IFNGR1: variants seen among roughly 807,000 people sequenced by gnomAD.
The protein encoded by IFNGR1 is interferon gamma receptor 1.
A neutral mutation model predicts 35.4 loss-of-function variants in IFNGR1; 23 were observed. The ratio of observed to expected loss-of-function variants is 0.65; its 90% confidence interval spans 0.47 to 0.92. The LOEUF (loss-of-function observed/expected upper bound fraction) is 0.92. Ranked by LOEUF, IFNGR1 falls within the 40% of genes least tolerant of loss-of-function variation. IFNGR1 has a pLI of 0.00. For missense variants in IFNGR1, 533 were observed against 583.4 expected (o/e 0.91, Z 0.89); for synonymous variants, 199 against 209.5 (o/e 0.95, Z 0.43).
At chr6:137,217,796 C>G (rs1456754249) in intron 1 of IFNGR1, among the ~76,000 whole-genome samples, 3 of 152,124 alleles carry the variant, frequency 2.0e-5, no homozygotes, top group African/African-American at 7.2e-5. Context: ...TTATTTGGTT[C>G]CTACTTCTCC....
At chr6:137,211,197 C>A (rs909814335) in intron 1 of IFNGR1, among the ~76,000 whole-genome samples, 1 of 151,714 alleles carries the variant, frequency 6.6e-6, no homozygotes, top group Non-Finnish European at 1.5e-5. Flanking sequence ...AGACAGCCTC[C>A]ACAACAAAAA....
intron 3 of IFNGR1, among the ~76,000 whole-genome samples, 174 bp downstream of exon 3, chr6:137,205,962 G>A (rs1276128177): frequency 6.6e-6 from 1 of 152,146 alleles, no homozygotes; most frequent in Non-Finnish European, 1.5e-5. Flanking sequence ...TCAGATTTTG[G>A]AGCATTCTGG....
chr6:137,219,371 G>C lies in IFNGR1; in HGVS notation c.-44C>G, dbSNP rs980985021. On this transcript the variant is annotated 5_prime_UTR_variant, in exon 1 of 7. Coordinates refer to ENST00000367739, the MANE Select transcript of IFNGR1 (RefSeq NM_000416.3). ...TGGCTCCAACCCCGAGCGCCTGCGG[G>C]ACCAGCCCAGCACTGCCCTCCAGCC... 21 of 1,572,114 alleles carry C rather than the reference G, an allele frequency of 1.3e-5. No homozygotes were observed. Among genetic ancestry groups the C allele is most frequent in the African/African-American group, 4.0e-5 (3 of 74,278 alleles).
chr6:137,207,155 C>T (rs1004961994), intron 1 of IFNGR1, 78 bp from the exon 2 acceptor site: 2 of 1,561,972 alleles, frequency 1.3e-6, no homozygotes, highest in Non-Finnish European at 1.7e-6. Context: ...TGTAAGATGC[C>T]ACATTGCCCA....
At position 137,219,331 on chromosome 6, in the gene IFNGR1, G is replaced by T; in HGVS notation, c.-4C>A. On this transcript the variant is annotated 5_prime_UTR_variant, in exon 1 of 7. Transcript: ENST00000367739. ...GTAGGAGAAAGAGGAGAGCCATGCT[G>T]CTACCGACGGTCGCTGGCTCCAACC... The T allele has an allele frequency of 6.2e-6, 10 of 1,603,016 alleles. No individual in the cohort carries two copies. Among genetic ancestry groups the T allele is most frequent in the Non-Finnish European group, 8.5e-6 (10 of 1,175,290 alleles).
intron 2 of IFNGR1, 67 bp from the exon 3 acceptor site, chr6:137,206,375 C>T: frequency 8.1e-7 from 1 of 1,239,836 alleles, no homozygotes; most frequent in Non-Finnish European, 1.2e-6. Flanking sequence ...CCATTTCTGT[C>T]TGTGCTTTGC....
At position 137,198,342 on chromosome 6, in the gene IFNGR1, A is replaced by C; in HGVS notation, c.1159T>G (p.Ser387Ala). ...ESSSPLSSNQ[S>A]EPGSIALNSY... ...TTTAAAGCGATGCTGCCAGGTTCAG[A>C]CTGGTTACTACTTAAAGGTGAAGAA... The change falls in exon 7 of 7, where the codon TCT becomes GCT. Residue 387 changes from serine to alanine, a missense_variant. Coordinates refer to ENST00000367739, the MANE Select transcript of IFNGR1 (RefSeq NM_000416.3). The C allele has an allele frequency of 6.2e-7, 1 of 1,614,134 alleles. No individual in the cohort carries two copies. Among genetic ancestry groups the C allele is most frequent in the Non-Finnish European group, 8.5e-7 (1 of 1,180,024 alleles).
At chr6:137,209,540 G>A (rs1779526567) in intron 1 of IFNGR1, among the ~76,000 whole-genome samples, 1 of 152,116 alleles carries the variant, frequency 6.6e-6, no homozygotes, top group South Asian at 2.1e-4. Context: ...GGGTTTATCA[G>A]GGGTTTCTGC....
At chr6:137,211,989 T>G (rs768778344) in intron 1 of IFNGR1, among the ~76,000 whole-genome samples, 5 of 152,172 alleles carry the variant, frequency 3.3e-5, no homozygotes, top group Non-Finnish European at 5.9e-5. Context: ...CTGAGAATTT[T>G]CAAACCAGGT....
intron 1 of IFNGR1, among the ~76,000 whole-genome samples, chr6:137,217,186 C>T (rs569864562): frequency 1.3e-5 from 2 of 152,306 alleles, no homozygotes; most frequent in Admixed American, 6.5e-5. Flanking sequence ...AACTACTTAT[C>T]GACTCCAACT....
rs2114468285 is a variant in IFNGR1 at position 137,202,396 on chromosome 6, GA to G, written c.733+1102del. 2.0e-5 allele frequency among the ~76,000 whole-genome samples: 3 copies of G among 152,228 alleles called. 1 individual carries two copies. The highest frequency in any genetic ancestry group is 7.2e-5 in the African/African-American group (3 of 41,540). On this transcript the variant is annotated intron_variant, in intron 5 of 6. Transcript: ENST00000367739. ...GGTTTTATTTTTCAAATAGCATAAC[GA>G]AAATTAGCATAAAATGCATTGCACT... is the stretch of plus-strand genomic sequence containing the variant.
At chr6:137,218,878 A>G (rs1380897047) in intron 1 of IFNGR1, 1 of 380,284 alleles carries the variant, frequency 2.6e-6, no homozygotes, top group Non-Finnish European at 5.0e-6. Flanking sequence ...TAACCATAAA[A>G]AAAGGTACAG....
At chr6:137,199,535 AATATATATTATATAACAT>A (rs1779217671) in intron 6 of IFNGR1, among the ~76,000 whole-genome samples, 38 of 82,144 alleles carry the variant, frequency 4.6e-4, no homozygotes, top group Non-Finnish European at 6.9e-4. Context: ...TATAATATAT[AATATATATTATATAACAT>A]ATAAAATATA....
intron 6 of IFNGR1, 45 bp downstream of exon 6, chr6:137,200,836 T>C (rs1779260062): frequency 3.5e-5 from 49 of 1,400,178 alleles, no homozygotes; most frequent in Non-Finnish European, 4.8e-5. Context: ...TCAAAAAAGG[T>C]TCAAGTTAAC....
At chr6:137,217,683 T>A (rs1195360965) in intron 1 of IFNGR1, among the ~76,000 whole-genome samples, 1 of 152,226 alleles carries the variant, frequency 6.6e-6, no homozygotes, top group African/African-American at 2.4e-5. Context: ...CTGGCATCTA[T>A]AATTTTCTGT....
intron 1 of IFNGR1, among the ~76,000 whole-genome samples, chr6:137,208,154 G>T (rs1349059975): frequency 6.6e-6 from 1 of 152,172 alleles, no homozygotes; most frequent in Non-Finnish European, 1.5e-5. Context: ...ATGATTTAGG[G>T]TATCTGGTGG....
At chr6:137,209,935 C>A in intron 1 of IFNGR1, 2 of 398,576 alleles carry the variant, frequency 5.0e-6, no homozygotes, top group Non-Finnish European at 4.4e-6. Flanking sequence ...CAAAACATAC[C>A]CAACATTTCT....
chr6:137,207,963 T>C (rs1779481846), intron 1 of IFNGR1, among the ~76,000 whole-genome samples: 1 of 152,206 alleles, frequency 6.6e-6, no homozygotes, highest in Non-Finnish European at 1.5e-5. Flanking sequence ...ACTTGTTGAA[T>C]GGCTTTGCCC....
chr6:137,200,543 C>G (rs1779252484), intron 6 of IFNGR1, among the ~76,000 whole-genome samples: 1 of 152,176 alleles, frequency 6.6e-6, no homozygotes, highest in Non-Finnish European at 1.5e-5. Flanking sequence ...CTAACCCCAC[C>G]CCAAAGCTGG....
Sources: allele counts gnomAD v4.1 joint callset (sites outside exome capture counted in the v4.1 genomes callset), GRCh38; gene constraint gnomAD v4.1.1; transcripts MANE v1.5; gene names NCBI Gene and HGNC (gene_info 2026-07-23, HGNC 2026-07-21).